Variants in RGCC observed in about 807,000 individuals in gnomAD.
RGCC encodes regulator of cell cycle RGCC.
In RGCC, 15 loss-of-function variants were observed where a neutral mutation model predicts 15.4. The ratio of observed to expected loss-of-function variants is 0.97; its 90% CI spans 0.65 to 1.50. RGCC has a LOEUF of 1.50. Ranked by LOEUF, RGCC falls within the 40% of genes most tolerant of loss-of-function variation. RGCC has a pLI of 0.00. For synonymous variants in RGCC, 81 were observed against 78.0 expected (o/e 1.04, Z -0.20); for missense variants, 176 against 189.7 (o/e 0.93, Z 0.42).
Position 41,457,572 on chromosome 13 carries a change from G to A in RGCC, c.-136G>A, listed in dbSNP as rs2043798370. Reference sequence around the variant, plus strand: ...GGTAGGGCGGGCGCGGACCGTGCTGGGAGCGGCGCGGCTGGAGCGCAGCGC... The same window carrying A: ...GGTAGGGCGGGCGCGGACCGTGCTGAGAGCGGCGCGGCTGGAGCGCAGCGC... On this transcript the variant is annotated 5_prime_UTR_variant, in exon 1 of 5. Coordinates refer to ENST00000379359, the MANE Select transcript of RGCC (RefSeq NM_014059.3). This position sits in a 1 kb window ranked among gnomAD's most constrained non-coding sequence, Gnocchi z 4.9. The A allele has an allele frequency of 7.3e-7, 1 of 1,377,448 alleles. No homozygotes were observed. The allele number at this position is 1,377,448 out of a possible 1,614,324, so 85.3% of individuals were successfully genotyped here.
At position 41,458,157 on chromosome 13, in the gene RGCC, G is replaced by A. The variant is rs186987486; in HGVS notation, c.50-128G>A. The A allele has an allele frequency of 4.3e-4, 320 of 736,870 alleles. No individual in the cohort carries two copies. In the African/African-American group the frequency reaches 5.2e-3, roughly 12 times the overall value. The allele number at this position is 736,870 out of a possible 1,614,324, so 45.6% of individuals were successfully genotyped here. A position where few individuals can be genotyped will look rare whatever the true frequency, so the allele number is the denominator to read the frequency against. On this transcript the variant is annotated intron_variant, in intron 1 of 4. Transcript: ENST00000379359. The surrounding 1 kb of genome is among the most constrained non-coding windows in gnomAD (Gnocchi z 4.4). ...GATTACAAGGTAACAGCGACTGCGT[G>A]GCTGTCACTTGGCAGAGGCGCCAAG... is the stretch of plus-strand genomic sequence containing the variant.
intron 2 of RGCC, 74 bp from the exon 3 acceptor site, chr13:41,466,749 C>G (rs879196319): frequency 9.6e-7 from 1 of 1,042,236 alleles, no homozygotes; most frequent in Non-Finnish European, 1.5e-6. Context: ...TGTTGGTTAT[C>G]AATAGACTAT....
In RGCC at chr13:41,457,851, C is replaced by T. The variant is rs1340949176; in HGVS notation, c.49+95C>T. The T allele has an allele frequency of 7.5e-7, 1 of 1,337,042 alleles. No individual in the cohort carries two copies. The highest frequency in any genetic ancestry group is 9.6e-7 in the Non-Finnish European group (1 of 1,040,722). 82.8% of individuals were successfully genotyped at this position (1,337,042 alleles called of 1,614,324 possible). A position where few individuals can be genotyped will look rare whatever the true frequency, so the allele number is the denominator to read the frequency against. On this transcript the variant is annotated intron_variant, in intron 1 of 4. Coordinates refer to ENST00000379359, the MANE Select transcript of RGCC (RefSeq NM_014059.3). The surrounding 1 kb of genome is among the most constrained non-coding windows in gnomAD (Gnocchi z 4.9). The stretch of plus-strand genomic sequence containing the variant: ...CGTGTCGTCCCTTCACACCCCCCAC[C>T]CTTCCATCCTCCCCGGCGGGAACCT...
At chr13:41,463,481 G>GTGTATC (rs1222252211) in intron 2 of RGCC, among the ~76,000 whole-genome samples, 6 of 6,430 alleles carry the variant, frequency 9.3e-4, no homozygotes, top group Non-Finnish European at 5.1e-3. Context: ...GTGTGTGTGT[G>GTGTATC]TGTGTGTGTG....
chr13:41,458,013 G>C lies in RGCC; in HGVS notation c.49+257G>C, dbSNP rs2043801276. On this transcript the variant is annotated intron_variant, in intron 1 of 4. Transcript: ENST00000379359. This position sits in a 1 kb window ranked among gnomAD's most constrained non-coding sequence, Gnocchi z 4.4. The stretch of plus-strand genomic sequence containing the variant: ...GCGGCGGGGACAGGTAACCGGCAGC[G>C]CCTGGGGAGGAATCTGGCCGCGCCA... 6.6e-6 allele frequency among the ~76,000 whole-genome samples: 1 copy of C among 152,176 alleles called. No individual in the cohort carries two copies. The highest frequency in any genetic ancestry group is 1.5e-5 in the Non-Finnish European group (1 of 68,016).
rs767819054 is a variant in RGCC, at chr13:41,468,790, A to G, written c.358A>G (p.Thr120Ala). ...CTGTTTCACAGCTAAATTAGGAGAC[A>G]CAAAAGAGCTAGAAGCCTTCATTGC... ...VTPQKAKLGDTKELEAFIADL... is the reference protein window; with the variant it reads ...VTPQKAKLGDAKELEAFIADL... The change falls in exon 4 of 5, where the codon ACA becomes GCA. Residue 120 changes from threonine (T) to alanine (A), a missense_variant. Thr to Ala is a moderately conservative substitution (Grantham distance 58). Coordinates refer to ENST00000379359, the MANE Select transcript of RGCC (RefSeq NM_014059.3). 5 of 1,607,986 alleles carry G rather than the reference A, an allele frequency of 3.1e-6. No individual in the cohort carries two copies. The highest frequency in any genetic ancestry group is 3.4e-6 in the Non-Finnish European group (4 of 1,179,124).
At chr13:41,465,975 A>G (rs1311081466) in intron 2 of RGCC, among the ~76,000 whole-genome samples, 1 of 151,970 alleles carries the variant, frequency 6.6e-6, no homozygotes, top group Non-Finnish European at 1.5e-5. Flanking sequence ...CCACACTCCC[A>G]CCATCAACCA....
chr13:41,458,430 C>T lies in RGCC; in HGVS notation c.195C>T (p.Ser65=). 1 of 1,601,870 alleles carries T rather than the reference C, an allele frequency of 6.2e-7. No homozygotes were observed. The highest frequency in any genetic ancestry group is 1.1e-5 in the South Asian group (1 of 90,532). Residue 65 remains serine (S), a synonymous_variant, in exon 2 of 5, where the codon AGC becomes AGT. Transcript: ENST00000379359. The surrounding 1 kb of genome is among the most constrained non-coding windows in gnomAD (Gnocchi z 4.4). ...EHLERMKRRS[S]ASVSDSSGFS... ...TGGAGCGCATGAAGCGGCGCAGCAG[C>T]GCCAGTGTCAGCGACAGCAGCGGCT...
At chr13:41,466,308 C>T (rs1292370367) in intron 2 of RGCC, among the ~76,000 whole-genome samples, 1 of 151,592 alleles carries the variant, frequency 6.6e-6, no homozygotes, top group Non-Finnish European at 1.5e-5. Flanking sequence ...CACACTTTCT[C>T]TCTCACACAC....
intron 4 of RGCC, among the ~76,000 whole-genome samples, chr13:41,469,081 G>A (rs2043861865): frequency 6.6e-6 from 1 of 151,994 alleles, no homozygotes; most frequent in East Asian, 1.9e-4. Flanking sequence ...CCAACATGGT[G>A]AAACCCAATC....
chr13:41,457,719 C>T lies in RGCC; in HGVS notation c.12C>T (p.Pro4=). The change falls in exon 1 of 5, where the codon CCC becomes CCT. Residue 4 remains proline, a synonymous_variant. Coordinates refer to ENST00000379359, the MANE Select transcript of RGCC (RefSeq NM_014059.3). The surrounding 1 kb of genome is among the most constrained non-coding windows in gnomAD (Gnocchi z 4.9). ...AGCTGAGCCGCCTCATGAAGCCGCC[C>T]GCGGCGCAGGGCAGCCCCGCGGCCG... The part of the protein sequence containing the change: MKP[P]AAQGSPAAAA... The T allele has an allele frequency of 2.0e-6, 3 of 1,476,976 alleles. No individual in the cohort carries two copies. The highest frequency in any genetic ancestry group is 2.6e-5 in the South Asian group (2 of 75,568). The allele number at this position is 1,476,976 out of a possible 1,614,324, so 91.5% of individuals were successfully genotyped here.
Position 41,464,538 on chromosome 13 carries a change from T to C in RGCC, c.236-2285T>C, listed in dbSNP as rs528856312. On this transcript the variant is annotated intron_variant, in intron 2 of 4. Transcript: ENST00000379359. The stretch of plus-strand genomic sequence containing the variant: ...CACGGAGTCCAAGGGTCCTGAGAAG[T>C]AGTAGCAGGAGCACCACAAAGAAGT... 4.6e-5 allele frequency among the ~76,000 whole-genome samples: 7 copies of C among 152,108 alleles called. No individual in the cohort carries two copies. In the East Asian group the frequency reaches 1.4e-3, roughly 29 times the overall value.
chr13:41,462,863 G>C (rs2043828466), intron 2 of RGCC, among the ~76,000 whole-genome samples: 1 of 152,168 alleles, frequency 6.6e-6, no homozygotes, highest in African/African-American at 2.4e-5. Context: ...GGTAAAGAGA[G>C]GTCTAGAGCT....
chr13:41,465,475 C>T (rs904161526), intron 2 of RGCC, among the ~76,000 whole-genome samples: 2 of 152,194 alleles, frequency 1.3e-5, no homozygotes, highest in African/African-American at 4.8e-5. Context: ...AATCTCAGAA[C>T]TTTAGAGCTA....
chr13:41,466,856 T>C lies in RGCC; in HGVS notation c.269T>C (p.Phe90Ser). Reference sequence around the variant, plus strand: ...TCACTTTATAGGAACAGCTTCAGCTTCAGTGATGAAAAACTGAATTCTCCA... The same window carrying C: ...TCACTTTATAGGAACAGCTTCAGCTCCAGTGATGAAAAACTGAATTCTCCA... ...ADSLYRNSFSFSDEKLNSPTD... is the reference protein window; with the variant it reads ...ADSLYRNSFSSSDEKLNSPTD... Residue 90 changes from phenylalanine (F) to serine (S), a missense_variant, in exon 3 of 5, where the codon TTC becomes TCC. By Grantham distance (155) the Phe-to-Ser change is radical. Coordinates refer to ENST00000379359, the MANE Select transcript of RGCC (RefSeq NM_014059.3). 2 of 1,613,908 alleles carry C rather than the reference T, an allele frequency of 1.2e-6. No homozygotes were observed. The highest frequency in any genetic ancestry group is 1.7e-6 in the Non-Finnish European group (2 of 1,179,794).
intron 4 of RGCC, among the ~76,000 whole-genome samples, chr13:41,469,946 T>C (rs2139579386): frequency 6.6e-6 from 1 of 152,362 alleles, no homozygotes; most frequent in Admixed American, 6.5e-5. Context: ...CGGGGGGTCC[T>C]GTTTAGTCAC....
At chr13:41,459,057 C>G (rs2043808367) in intron 2 of RGCC, among the ~76,000 whole-genome samples, 1 of 152,142 alleles carries the variant, frequency 6.6e-6, no homozygotes, top group African/African-American at 2.4e-5. Flanking sequence ...GGTCCTCCAC[C>G]AGGCTGGAGG....
At chr13:41,460,728 T>G (rs546068403) in intron 2 of RGCC, among the ~76,000 whole-genome samples, 2 of 152,310 alleles carry the variant, frequency 1.3e-5, no homozygotes, top group African/African-American at 4.8e-5. Flanking sequence ...ATAGTGCTAT[T>G]AGGGAGAAAA....
At position 41,468,778 on chromosome 13, in the gene RGCC, A is replaced by G; in HGVS notation, c.346A>G (p.Lys116Glu). The change falls in exon 4 of 5, where the codon AAA becomes GAA. Residue 116 changes from lysine (K) to glutamate (E), a missense_variant and splice_region_variant. Coordinates refer to ENST00000379359, the MANE Select transcript of RGCC (RefSeq NM_014059.3). ...TCTCTCCCTCTCCTGTTTCACAGCT[A>G]AATTAGGAGACACAAAAGAGCTAGA... ...LSATVTPQKA[K>E]LGDTKELEAF... 6.2e-7 allele frequency: 1 copy of G among 1,605,506 alleles called. No homozygotes were observed. Among genetic ancestry groups the G allele is most frequent in the Non-Finnish European group, 8.5e-7 (1 of 1,177,418 alleles).
Sources: allele counts gnomAD v4.1 joint callset (sites outside exome capture counted in the v4.1 genomes callset), GRCh38; gene constraint gnomAD v4.1.1; non-coding constraint Gnocchi (gnomAD v3.1); transcripts MANE v1.5; gene names NCBI Gene and HGNC (gene_info 2026-07-23, HGNC 2026-07-21).